SP3: variants seen among roughly 807,000 people sequenced by gnomAD.
The protein encoded by SP3 is transcription factor Sp3.
Under a neutral mutation model 70.3 loss-of-function variants are expected in SP3, and 10 were observed. The ratio of observed to expected loss-of-function variants is 0.14; its 90% CI spans 0.09 to 0.24. SP3 has a LOEUF of 0.24. Ranked by LOEUF, SP3 falls within the 10% of genes least tolerant of loss-of-function variation. The pLI is 1.00. For missense variants in SP3, 825 were observed against 914.6 expected (o/e 0.90, Z 1.26); for synonymous variants, 402 against 333.5 (o/e 1.21, Z -2.24).
chr2:173,911,812 CCTTTTT>C (rs1689491245), intron 6 of SP3, among the ~76,000 whole-genome samples: 2 of 115,856 alleles, frequency 1.7e-5, no homozygotes, highest in Non-Finnish European at 3.6e-5. Flanking sequence ...CTTTTATCTA[CCTTTTT>C]TTTTTTTTTT....
intron 4 of SP3, among the ~76,000 whole-genome samples, chr2:173,953,020 A>G (rs1450286514): frequency 2.6e-5 from 4 of 152,236 alleles, no homozygotes; most frequent in African/African-American, 7.2e-5. Context: ...TGAATTGTAT[A>G]AAGAGTGAGT....
At chr2:173,926,772 C>T (rs1689921992) in intron 4 of SP3, among the ~76,000 whole-genome samples, 1 of 152,020 alleles carries the variant, frequency 6.6e-6, no homozygotes, top group Non-Finnish European at 1.5e-5. Flanking sequence ...TGCAATAAAA[C>T]TTAAATTGAA....
intron 4 of SP3, among the ~76,000 whole-genome samples, chr2:173,920,921 A>G (rs982483948): frequency 7.2e-5 from 11 of 152,160 alleles, no homozygotes; most frequent in African/African-American, 2.7e-4. Context: ...TGAAGGGAGT[A>G]GGTGCTCCAT....
chr2:173,964,775 C>T (rs1691234776), intron 1 of SP3: 6 of 389,644 alleles, frequency 1.5e-5, no homozygotes, highest in Non-Finnish European at 2.7e-5. Flanking sequence ...TCCTCTTTCC[C>T]TCCTCCTCCT....
chr2:173,962,963 A>G (rs761959061), intron 3 of SP3: 3 of 152,250 alleles, frequency 2.0e-5, no homozygotes, highest in Non-Finnish European at 4.4e-5. Flanking sequence ...GAATCCCACC[A>G]TATCTTACCT....
Position 173,965,350 on chromosome 2 carries a change from C to A in SP3, c.-179G>T. 3 of 694,448 alleles carry A rather than the reference C, an allele frequency of 4.3e-6. No individual in the cohort carries two copies. Among genetic ancestry groups the A allele is most frequent in the Non-Finnish European group, 4.8e-6 (2 of 416,144 alleles). 43.0% of individuals were successfully genotyped at this position (694,448 alleles called of 1,614,324 possible). On this transcript the variant is annotated 5_prime_UTR_variant, in exon 1 of 7. Coordinates refer to ENST00000310015, the MANE Select transcript of SP3 (RefSeq NM_003111.5). The stretch of plus-strand genomic sequence containing the variant: ...GAAACACAAAAGGTGGAGCCTCCAG[C>A]CCAAAAGGGGGGAAGAGGGTGACAG...
rs1008994591 is a variant in SP3 at position 173,907,996 on chromosome 2, C to G, written c.*1945G>C. Reference sequence around the variant, plus strand: ...AAACAGAAAATGGACATCTTTACCCCCACTGTATACATGTGTTAAGAAACT... The same window carrying G: ...AAACAGAAAATGGACATCTTTACCCGCACTGTATACATGTGTTAAGAAACT... On this transcript the variant is annotated 3_prime_UTR_variant, in exon 7 of 7. Coordinates refer to ENST00000310015, the MANE Select transcript of SP3 (RefSeq NM_003111.5). The G allele has an allele frequency of 6.6e-6, 1 of 152,054 alleles. No individual in the cohort carries two copies. Among genetic ancestry groups the G allele is most frequent in the African/African-American group, 2.4e-5 (1 of 41,426 alleles). 9.4% of individuals were successfully genotyped at this position (152,054 alleles called of 1,614,324 possible). A position where few individuals can be genotyped will look rare whatever the true frequency, so the allele number is the denominator to read the frequency against.
Position 173,918,916 on chromosome 2 carries a change from A to G in SP3, c.1640-131T>C, listed in dbSNP as rs371385985. ...ACTTCTCTTGCCTAGACTGTTTTCC[A>G]GTTATTTTGTTCCTCATCTAACTAA... is the stretch of plus-strand genomic sequence containing the variant. On this transcript the variant is annotated intron_variant, in intron 4 of 6. Transcript: ENST00000310015. The G allele has an allele frequency of 1.2e-4, 90 of 738,964 alleles. No homozygotes were observed. The African/African-American group carries it at 1.3e-3, about 11-fold the overall frequency. The allele number at this position is 738,964 out of a possible 1,614,324, so 45.8% of individuals were successfully genotyped here.
In SP3 at chr2:173,910,146, G is replaced by T; in HGVS notation, c.2141C>A (p.Thr714Lys). 6.2e-7 allele frequency: 1 copy of T among 1,613,846 alleles called. No homozygotes were observed. Among genetic ancestry groups the T allele is most frequent in the Non-Finnish European group, 8.5e-7 (1 of 1,179,812 alleles). The change falls in exon 7 of 7, where the codon ACA becomes AAA. Residue 714 changes from threonine (T) to lysine (K), a missense_variant. Transcript: ENST00000310015. ...QNKKGIHSSS[T>K]VLASVEAARD... is the part of the protein sequence containing the mutation. ...CGCAGCTTCCACAGATGCCAGCACT[G>T]TACTGCTAGAGTGAATACCTTTTTT...
At chr2:173,944,803 T>TA (rs1690484436) in intron 4 of SP3, among the ~76,000 whole-genome samples, 2 of 152,002 alleles carry the variant, frequency 1.3e-5, no homozygotes. Flanking sequence ...AGAAAAGTAC[T>TA]AAAAAACAAA....
chr2:173,960,668 T>C (rs1574428214), intron 3 of SP3, among the ~76,000 whole-genome samples: 1 of 152,178 alleles, frequency 6.6e-6, no homozygotes, highest in Non-Finnish European at 1.5e-5. Context: ...GCAATCACTT[T>C]CATAATAGTC....
rs1013670064 is a variant in SP3 at position 173,901,052 on chromosome 2, T to A, written c.*8889A>T. ...AGACTTCCTTACCGGATGTCAAGAA[T>A]TTAGGATAAATAACAGAGAGGGCAT... On this transcript the variant is annotated 3_prime_UTR_variant, in exon 7 of 7. Transcript: ENST00000310015. Among the ~76,000 whole-genome samples the A allele has an allele frequency of 3.3e-5, 5 of 152,154 alleles. No homozygotes were observed. Among genetic ancestry groups the A allele is most frequent in the African/African-American group, 7.2e-5 (3 of 41,440 alleles).
chr2:173,952,299 TTTA>T (rs1291458402), intron 4 of SP3, among the ~76,000 whole-genome samples: 1 of 152,140 alleles, frequency 6.6e-6, no homozygotes, highest in Non-Finnish European at 1.5e-5. Flanking sequence ...GCAAAAATGC[TTTA>T]TTAAGGCATA....
At chr2:173,946,856 C>T (rs1259186515) in intron 4 of SP3, among the ~76,000 whole-genome samples, 2 of 150,964 alleles carry the variant, frequency 1.3e-5, no homozygotes, top group East Asian at 2.0e-4. Context: ...CCAGTAGCTG[C>T]GACTACAGGT....
chr2:173,920,794 T>C (rs1689733161), intron 4 of SP3, among the ~76,000 whole-genome samples: 2 of 152,030 alleles, frequency 1.3e-5, no homozygotes, highest in African/African-American at 4.8e-5. Flanking sequence ...TTTCACCATG[T>C]TGGCCAGGCT....
At chr2:173,931,122 A>T (rs73028242) in intron 4 of SP3, among the ~76,000 whole-genome samples, 6,251 of 152,270 alleles carry the variant, frequency 0.041, 198 homozygotes, top group Admixed American at 0.1. Flanking sequence ...ACATTAATTT[A>T]AAAAAACTTT....
intron 4 of SP3, among the ~76,000 whole-genome samples, chr2:173,934,405 GT>G (rs1175818068): frequency 6.6e-6 from 1 of 152,044 alleles, no homozygotes; most frequent in Admixed American, 6.6e-5. Flanking sequence ...GTTGAAACAA[GT>G]ATAGGCTGAA....
rs200886453 is a variant in SP3, at chr2:173,955,186, C to G, written c.1326G>C (p.Gln442His). 1.1e-5 allele frequency: 18 copies of G among 1,614,020 alleles called. No homozygotes were observed. Among genetic ancestry groups the G allele is most frequent in the Admixed American group, 1.7e-5 (1 of 59,992 alleles). Residue 442 changes from glutamine to histidine, a missense_variant, in exon 4 of 7, where the codon CAG (glutamine) becomes CAC (histidine). Physicochemically the swap from Gln to His is conservative, Grantham distance 24 (BLOSUM62 0). Around this residue, in one of 4 missense-constraint regions of SP3, gnomAD observed 678 missense variants for 651.6 expected, o/e 1.04. Transcript: ENST00000310015. ...SQQALQNLQL[Q>H]LNPGTFLIQA... ...GAATTAAAAAGGTTCCAGGATTCAGCTGCAACTGAAGATTTTGCAAAGCCT... is the reference window on the plus strand; with the variant it reads ...GAATTAAAAAGGTTCCAGGATTCAGGTGCAACTGAAGATTTTGCAAAGCCT...
At chr2:173,918,810 C>G (rs930753857) in intron 4 of SP3, 25 bp from the exon 5 acceptor site, 13 of 1,588,226 alleles carry the variant, frequency 8.2e-6, no homozygotes, top group Non-Finnish European at 1.1e-5. Context: ...AAACCAAATA[C>G]AGATGAGAAG....
Sources: gnomAD v4.1 joint callset for allele counts (sites outside exome capture counted in the v4.1 genomes callset) on GRCh38, gnomAD v4.1.1 for gene constraint, gnomAD v4.1.1 regional missense constraint, MANE v1.5 for transcripts, NCBI Gene and HGNC (gene_info 2026-07-23, HGNC 2026-07-21) for gene names.